Variants in CENPU observed in about 807,000 individuals in gnomAD.
CENPU encodes the protein centromere protein U, also known as KSHV latent nuclear antigen interacting protein 1.
CENPU carries 46 observed loss-of-function variants against 56.7 expected under a neutral mutation model. The ratio of observed to expected loss-of-function variants is 0.81; its 90% CI spans 0.64 to 1.04. The LOEUF is 1.04. CENPU is among the 50% of genes least tolerant of loss of function. CENPU has a pLI of 0.00. For synonymous variants in CENPU, 166 were observed against 163.0 expected, an observed-to-expected ratio of 1.02 and a Z score of -0.14; for missense variants, 510 against 490.1, an observed-to-expected ratio of 1.04 and a Z score of -0.38.
At chr4:184,733,074 A>G (rs1761711067) in intron 1 of CENPU, among the ~76,000 whole-genome samples, 1 of 152,220 alleles carries the variant, frequency 6.6e-6, no homozygotes, top group African/African-American at 2.4e-5. Context: ...CTCAAACCCA[A>G]AAATGTTAAA....
Position 184,719,203 on chromosome 4 carries a change from G to A in CENPU, c.321-2007C>T, listed in dbSNP as rs368508000. On this transcript the variant is annotated intron_variant, in intron 4 of 12. Coordinates refer to ENST00000281453, the MANE Select transcript of CENPU (RefSeq NM_024629.4). Reference sequence around the variant, plus strand: ...TTCACAGGAAACAAAAGTCAGCTGAGTACTCACAGTGCCTGGTTTTGACTT... The same window carrying A: ...TTCACAGGAAACAAAAGTCAGCTGAATACTCACAGTGCCTGGTTTTGACTT... Among the ~76,000 whole-genome samples, 14 of 152,198 alleles carry A rather than the reference G, an allele frequency of 9.2e-5. No homozygotes were observed. The East Asian group carries it at 1.3e-3, about 15-fold the overall frequency.
chr4:184,729,757 T>TA (rs1175553686), intron 2 of CENPU, among the ~76,000 whole-genome samples: 1 of 152,134 alleles, frequency 6.6e-6, no homozygotes, highest in African/African-American at 2.4e-5. Flanking sequence ...AACTCCTGAC[T>TA]AAAGGACACC....
chr4:184,720,394 A>G (rs1034148607), intron 4 of CENPU, among the ~76,000 whole-genome samples: 1 of 152,162 alleles, frequency 6.6e-6, no homozygotes, highest in African/African-American at 2.4e-5. Flanking sequence ...GTCTAGAAAA[A>G]AGCTTCAAAA....
chr4:184,708,040 T>C (rs551848560), intron 8 of CENPU, among the ~76,000 whole-genome samples: 2 of 151,934 alleles, frequency 1.3e-5, no homozygotes, highest in Non-Finnish European at 2.9e-5. Flanking sequence ...CTGGCCGACA[T>C]AGTGAAACCC....
At chr4:184,712,919 CAA>C (rs1760971485) in intron 7 of CENPU, 23 bp downstream of exon 7, 1 of 1,467,130 alleles carries the variant, frequency 6.8e-7, no homozygotes. Flanking sequence ...GAATGAGTGA[CAA>C]AGTATAAAAC....
chr4:184,728,476 CCT>C (rs1761530801), intron 3 of CENPU, among the ~76,000 whole-genome samples: 1 of 152,154 alleles, frequency 6.6e-6, no homozygotes, highest in African/African-American at 2.4e-5. Context: ...CTGGTACTGG[CCT>C]TTTACCTCAC....
intron 8 of CENPU, among the ~76,000 whole-genome samples, chr4:184,708,547 AAC>A (rs1197144932): frequency 2.6e-5 from 4 of 152,076 alleles, no homozygotes; most frequent in African/African-American, 7.2e-5. Flanking sequence ...GAAAAAAAAT[AAC>A]AGTTTAGAGA....
In CENPU at chr4:184,716,443, G is replaced by C; in HGVS notation, c.572C>G (p.Ala191Gly). ...VTSKKTGPLS[A>G]QPSVEKENLA... ...GTTCTCTTTTTCAACAGAGGGCTGG[G>C]CACTAAGGGGTCCTGTCTTTTTAGA... The change falls in exon 6 of 13, where the codon GCC becomes GGC. Residue 191 changes from alanine to glycine, a missense_variant. By Grantham distance (60) the Ala-to-Gly change is moderately conservative. Transcript: ENST00000281453. 1 of 1,614,130 alleles carries C rather than the reference G, an allele frequency of 6.2e-7. No homozygotes were observed. Among genetic ancestry groups the C allele is most frequent in the South Asian group, 1.1e-5 (1 of 91,082 alleles).
chr4:184,731,040 C>G (rs953291596), intron 1 of CENPU, 72 bp from the exon 2 acceptor site: 30 of 1,064,176 alleles, frequency 2.8e-5, no homozygotes, highest in Non-Finnish European at 3.7e-5. Flanking sequence ...TAGTTATGAC[C>G]CTTTCCGCGC....
Position 184,724,982 on chromosome 4 carries a change from G to A in CENPU, c.295C>T (p.Pro99Ser). Reference sequence around the variant, plus strand: ...CTTCTTTTTGCTTCTTTTCCTGGAGGAGTTGAAGAGAGAGACAGTCCACAA... The same window carrying A: ...CTTCTTTTTGCTTCTTTTCCTGGAGAAGTTGAAGAGAGAGACAGTCCACAA... ...KHCGLSLSSTPPGKEAKRSSD... is the reference protein window; with the variant it reads ...KHCGLSLSSTSPGKEAKRSSD... Residue 99 changes from proline to serine, a missense_variant, in exon 4 of 13, where the codon CCT becomes TCT. Transcript: ENST00000281453. 1 of 1,611,802 alleles carries A rather than the reference G, an allele frequency of 6.2e-7. No individual in the cohort carries two copies. Among genetic ancestry groups the A allele is most frequent in the Non-Finnish European group, 8.5e-7 (1 of 1,178,500 alleles).
chr4:184,717,141 T>C lies in CENPU; in HGVS notation c.376A>G (p.Lys126Glu). Reference protein sequence around the residue: ...SEIESVKISAKKPGRKLRPIS... With the variant: ...SEIESVKISAEKPGRKLRPIS... ...GAGTGAATACTCCTACATACCTTTT[T>C]TGCACTAATTTTTACAGATTCGATT... Residue 126 changes from lysine (K) to glutamate (E), a missense_variant, in exon 5 of 13, where the codon AAA (lysine) becomes GAA (glutamate). Transcript: ENST00000281453. 1.9e-6 allele frequency: 3 copies of C among 1,609,790 alleles called. No homozygotes were observed. Among genetic ancestry groups the C allele is most frequent in the Non-Finnish European group, 1.7e-6 (2 of 1,177,656 alleles).
At chr4:184,721,993 T>C (rs1316760070) in intron 4 of CENPU, among the ~76,000 whole-genome samples, 1 of 152,206 alleles carries the variant, frequency 6.6e-6, no homozygotes, top group Middle Eastern at 3.2e-3. Flanking sequence ...GACCACGTGA[T>C]AGGTCACAAA....
intron 4 of CENPU, among the ~76,000 whole-genome samples, chr4:184,724,523 C>A (rs1263260495): frequency 2.0e-5 from 3 of 152,160 alleles, no homozygotes. Context: ...AAGACTCAAA[C>A]CAATGCACTT....
At chr4:184,713,614 C>A (rs1760995442) in intron 6 of CENPU, among the ~76,000 whole-genome samples, 1 of 152,114 alleles carries the variant, frequency 6.6e-6, no homozygotes, top group African/African-American at 2.4e-5. Flanking sequence ...AATTTCTGTT[C>A]CAGCTATGGT....
rs893284449 is a variant in CENPU, at chr4:184,694,989, T to G, written c.*299A>C. 1.8e-6 allele frequency: 1 copy of G among 552,262 alleles called. No individual in the cohort carries two copies. Among genetic ancestry groups the G allele is most frequent in the Non-Finnish European group, 3.2e-6 (1 of 313,676 alleles). 34.2% of individuals were successfully genotyped at this position (552,262 alleles called of 1,614,324 possible). ...TCGCCTTATTAATTAATCAAAATTATGTTCACATCAACTTAATTTTACAAG... is the reference window on the plus strand; with the variant it reads ...TCGCCTTATTAATTAATCAAAATTAGGTTCACATCAACTTAATTTTACAAG... On this transcript the variant is annotated 3_prime_UTR_variant, in exon 13 of 13. Coordinates refer to ENST00000281453, the MANE Select transcript of CENPU (RefSeq NM_024629.4).
chr4:184,699,668 C>CTCTT (rs10694027), intron 11 of CENPU: 122,739 of 1,061,870 alleles, frequency 0.12, 2,906 homozygotes, highest in Non-Finnish European at 0.13. Context: ...GGCAGTCTCT[C>CTCTT]TTTTTTTTTT....
chr4:184,700,478 T>C (rs952872253), intron 11 of CENPU, among the ~76,000 whole-genome samples: 1 of 152,190 alleles, frequency 6.6e-6, no homozygotes, highest in African/African-American at 2.4e-5. Flanking sequence ...TTGGTCAATG[T>C]TGCGCAGCCA....
intron 8 of CENPU, among the ~76,000 whole-genome samples, chr4:184,703,416 A>T (rs1473495720): frequency 2.6e-5 from 4 of 152,182 alleles, no homozygotes; most frequent in African/African-American, 9.6e-5. Flanking sequence ...TGGGGAGAAG[A>T]GATCTGGTGG....
intron 5 of CENPU, among the ~76,000 whole-genome samples, chr4:184,716,904 G>C (rs1163351881): frequency 6.6e-6 from 1 of 152,198 alleles, no homozygotes; most frequent in South Asian, 2.1e-4. Flanking sequence ...AAAGTACATA[G>C]AGATGTGAGA....
Sources: gnomAD v4.1 joint callset for allele counts (sites outside exome capture counted in the v4.1 genomes callset) on GRCh38, gnomAD v4.1.1 for gene constraint, MANE v1.5 for transcripts, NCBI Gene and HGNC (gene_info 2026-07-23, HGNC 2026-07-21) for gene names.